Variants in LRRTM4 observed in about 807,000 individuals in gnomAD.
The protein encoded by LRRTM4 is leucine rich repeat transmembrane neuronal 4.
Under a neutral mutation model 47.6 loss-of-function variants are expected in LRRTM4, and 25 were observed. That is an observed-to-expected ratio of 0.53 (90% confidence interval 0.38 to 0.73). LRRTM4 has a LOEUF of 0.73. Ranked by LOEUF, LRRTM4 falls within the 30% of genes least tolerant of loss-of-function variation. The probability of loss-of-function intolerance (pLI) is 0.00; values close to 1 mark genes in which losing one functional copy is unlikely to be tolerated. For missense variants in LRRTM4, 638 were observed against 713.4 expected, an observed-to-expected ratio of 0.89 and a Z score of 1.20; for synonymous variants, 311 against 269.5, an observed-to-expected ratio of 1.15 and a Z score of -1.51.
At chr2:77,144,528 T>C (rs564662335) in intron 3 of LRRTM4, among the ~76,000 whole-genome samples, 1 of 152,252 alleles carries the variant, frequency 6.6e-6, no homozygotes, top group South Asian at 2.1e-4. Context: ...AAAAACACAC[T>C]GGTCCACAGA....
At chr2:76,967,741 G>A (rs1573380548) in intron 3 of LRRTM4, among the ~76,000 whole-genome samples, 2 of 151,486 alleles carry the variant, frequency 1.3e-5, no homozygotes, top group East Asian at 3.9e-4. Context: ...CACATTCTTT[G>A]CAGCTCAGAT....
At chr2:76,790,377 G>A (rs949538146) in intron 3 of LRRTM4, among the ~76,000 whole-genome samples, 1 of 151,982 alleles carries the variant, frequency 6.6e-6, no homozygotes, top group East Asian at 1.9e-4. Flanking sequence ...ATTTTCAGTT[G>A]GAAAGATCTT....
chr2:77,381,025 T>G (rs1400986004), intron 3 of LRRTM4, among the ~76,000 whole-genome samples: 1 of 152,072 alleles, frequency 6.6e-6, no homozygotes, highest in African/African-American at 2.4e-5. Flanking sequence ...TTGTTACTAT[T>G]ATGAGTAATT....
At chr2:77,078,383 CACACACA>C (rs1558566638) in intron 3 of LRRTM4, among the ~76,000 whole-genome samples, 5 of 73,206 alleles carry the variant, frequency 6.8e-5, no homozygotes, top group African/African-American at 3.8e-4. Context: ...CACACACCCA[CACACACA>C]CACACACACA....
At chr2:76,825,489 G>C (rs1378859861) in intron 3 of LRRTM4, among the ~76,000 whole-genome samples, 1 of 151,696 alleles carries the variant, frequency 6.6e-6, no homozygotes, top group Non-Finnish European at 1.5e-5. Context: ...TGTGGGGATG[G>C]AGTTGTCATT....
At position 76,983,171 on chromosome 2, in the gene LRRTM4, T is replaced by A. The variant is rs6716038; in HGVS notation, c.1552-234255A>T. 3.8e-3 allele frequency among the ~76,000 whole-genome samples: 572 copies of A among 152,114 alleles called. 1 individual carries two copies. The highest frequency in any genetic ancestry group is 0.013 in the African/African-American group (547 of 41,518). On this transcript the variant is annotated intron_variant, in intron 3 of 3. Coordinates refer to ENST00000409884, the MANE Select transcript of LRRTM4 (RefSeq NM_001134745.3). ...CAGTGTAGAGAAAGTTACTGCATAGTTCAGTAACGTTATAATAAACCTAAA... is the reference window on the plus strand; with the variant it reads ...CAGTGTAGAGAAAGTTACTGCATAGATCAGTAACGTTATAATAAACCTAAA...
chr2:77,397,691 T>C (rs1178988145), intron 3 of LRRTM4, among the ~76,000 whole-genome samples: 1 of 151,868 alleles, frequency 6.6e-6, no homozygotes, highest in African/African-American at 2.4e-5. Flanking sequence ...CCTGATTCTA[T>C]GCTAAATAAA....
intron 3 of LRRTM4, among the ~76,000 whole-genome samples, chr2:76,878,129 A>C (rs776681379): frequency 1.3e-5 from 2 of 152,188 alleles, no homozygotes; most frequent in East Asian, 3.9e-4. Flanking sequence ...CATTGTTATT[A>C]TATCTGTTAC....
At chr2:77,111,283 A>ATTTTT (rs71381260) in intron 3 of LRRTM4, among the ~76,000 whole-genome samples, 8,591 of 112,594 alleles carry the variant, frequency 0.076, 368 homozygotes, top group East Asian at 0.22. Context: ...ACACCTGGCT[A>ATTTTT]TTTTTTTTTT....
intron 3 of LRRTM4, among the ~76,000 whole-genome samples, chr2:77,126,751 T>G (rs1471893007): frequency 2.0e-5 from 3 of 152,144 alleles, no homozygotes; most frequent in Non-Finnish European, 4.4e-5. Context: ...CACCTGGAAG[T>G]GGAAGAACAA....
intron 3 of LRRTM4, among the ~76,000 whole-genome samples, chr2:76,843,505 C>G (rs1357838328): frequency 6.6e-6 from 1 of 152,122 alleles, no homozygotes; most frequent in Non-Finnish European, 1.5e-5. Context: ...GGGCCTAAAT[C>G]CCAGTTCTCA....
intron 3 of LRRTM4, among the ~76,000 whole-genome samples, chr2:77,326,406 G>C (rs893587408): frequency 2.0e-5 from 3 of 152,066 alleles, no homozygotes. Context: ...TTTTATTTTA[G>C]TTTTAGAATT....
intron 3 of LRRTM4, among the ~76,000 whole-genome samples, chr2:77,279,478 T>C (rs1162310777): frequency 4.6e-5 from 7 of 151,984 alleles, no homozygotes. Flanking sequence ...TCCATTGTGG[T>C]ATTCAAAAGA....
Position 77,011,606 on chromosome 2 carries a change from G to C in LRRTM4, c.1552-262690C>G, listed in dbSNP as rs1442351968. 6.0e-5 allele frequency among the ~76,000 whole-genome samples: 9 copies of C among 150,244 alleles called. No individual in the cohort carries two copies. The Admixed American group carries it at 6.0e-4, about 10-fold the overall frequency. On this transcript the variant is annotated intron_variant, in intron 3 of 3. Coordinates refer to ENST00000409884, the MANE Select transcript of LRRTM4 (RefSeq NM_001134745.3). ...AATGAAGAAAATGTGAAATACATGA[G>C]AACAAACTGAAACATACATATGATT... is the stretch of plus-strand genomic sequence containing the variant.
At chr2:76,759,045 T>G (rs2104076058) in intron 3 of LRRTM4, among the ~76,000 whole-genome samples, 1 of 152,254 alleles carries the variant, frequency 6.6e-6, no homozygotes, top group East Asian at 1.9e-4. Context: ...GATTTTTTTG[T>G]TTCTAACCAT....
chr2:77,050,365 T>C (rs1408580803), intron 3 of LRRTM4, among the ~76,000 whole-genome samples: 2 of 152,154 alleles, frequency 1.3e-5, no homozygotes, highest in Non-Finnish European at 2.9e-5. Flanking sequence ...CCAGATGCTA[T>C]TTATAATTGT....
chr2:77,492,928 A>G (rs1054747434), intron 3 of LRRTM4, among the ~76,000 whole-genome samples: 5 of 152,124 alleles, frequency 3.3e-5, no homozygotes, highest in African/African-American at 4.8e-5. Context: ...GAAAATCTCA[A>G]TTTGTCTCAC....
chr2:77,311,759 C>A (rs976808913), intron 3 of LRRTM4, among the ~76,000 whole-genome samples: 1 of 152,106 alleles, frequency 6.6e-6, no homozygotes, highest in African/African-American at 2.4e-5. Context: ...ACCCAAGACA[C>A]AGGTCAGACA....
At position 76,807,485 on chromosome 2, in the gene LRRTM4, TAC is replaced by T. The variant is rs1312947641; in HGVS notation, c.1552-58571_1552-58570del. 1.9e-4 allele frequency among the ~76,000 whole-genome samples: 24 copies of T among 124,378 alleles called. No homozygotes were observed. The South Asian group carries it at 2.5e-3, about 13-fold the overall frequency. The allele number at this position is 124,378 out of a possible 152,430, so 81.6% of individuals were successfully genotyped here. A position where few individuals can be genotyped will look rare whatever the true frequency, so the allele number is the denominator to read the frequency against. ...ATATATATATACATATATATATATA[TAC>T]ATATATATATATATAGGCAAAGTTA... On this transcript the variant is annotated intron_variant, in intron 3 of 3. Transcript: ENST00000409884.
Sources: gnomAD v4.1 joint callset for allele counts (sites outside exome capture counted in the v4.1 genomes callset) on GRCh38, gnomAD v4.1.1 for gene constraint, MANE v1.5 for transcripts, NCBI Gene and HGNC (gene_info 2026-07-23, HGNC 2026-07-21) for gene names.